CSMD1: variants seen among roughly 807,000 people sequenced by gnomAD.
CSMD1 encodes the protein CUB and Sushi multiple domains 1, also known as CUB and sushi domain-containing protein 1.
In CSMD1, 213 loss-of-function variants were observed where a neutral mutation model predicts 417.5. That is an observed-to-expected ratio of 0.51 (90% CI 0.46 to 0.57). The LOEUF is 0.57. Among genes scored for constraint, CSMD1 ranks in the 20% least tolerant of loss-of-function variants. CSMD1 has a pLI of 0.00. For missense variants in CSMD1, 6,923 were observed against 4,529.7 expected, an observed-to-expected ratio of 1.53 and a Z score of -15.17; for synonymous variants, 2,862 against 1,736.8, an observed-to-expected ratio of 1.65 and a Z score of -16.11.
intron 5 of CSMD1, among the ~76,000 whole-genome samples, chr8:3,862,686 T>C (rs183767033): frequency 1.3e-5 from 2 of 152,338 alleles, no homozygotes; most frequent in Admixed American, 6.5e-5. Context: ...CGTGCTTTTC[T>C]ATATAGGAAT....
At chr8:3,307,140 C>G (rs1445741751) in intron 25 of CSMD1, among the ~76,000 whole-genome samples, 1 of 152,140 alleles carries the variant, frequency 6.6e-6, no homozygotes, top group East Asian at 1.9e-4. Context: ...TTCTTCATAT[C>G]TTGAGTCTTG....
chr8:3,741,081 G>A (rs12548108), intron 6 of CSMD1, among the ~76,000 whole-genome samples: 1 of 151,936 alleles, frequency 6.6e-6, no homozygotes, highest in Admixed American at 6.6e-5. Context: ...CAGGTGTGGT[G>A]ATAGGTGCCT....
chr8:3,791,559 C>T (rs1054711643), intron 5 of CSMD1, among the ~76,000 whole-genome samples: 2 of 152,194 alleles, frequency 1.3e-5, no homozygotes, highest in African/African-American at 2.4e-5. Context: ...CATGGTGGCT[C>T]ACGCCTATAA....
intron 3 of CSMD1, among the ~76,000 whole-genome samples, chr8:4,411,975 GC>G (rs552907647): frequency 7.0e-6 from 1 of 143,464 alleles, no homozygotes; most frequent in South Asian, 2.4e-4. Context: ...AAAGTACACA[GC>G]AACATAGCTA....
intron 1 of CSMD1, among the ~76,000 whole-genome samples, chr8:4,639,086 G>A (rs1397934661): frequency 6.6e-6 from 1 of 152,068 alleles, no homozygotes; most frequent in Non-Finnish European, 1.5e-5. Context: ...TGAAATGCCT[G>A]CCTTGTCAGC....
intron 25 of CSMD1, among the ~76,000 whole-genome samples, chr8:3,295,855 G>A (rs904705539): frequency 8.5e-5 from 13 of 152,186 alleles, no homozygotes; most frequent in East Asian, 3.9e-4. Flanking sequence ...TCTATAAGAC[G>A]TTCCCTTTTT....
intron 5 of CSMD1, among the ~76,000 whole-genome samples, chr8:3,971,313 C>G (rs930771100): frequency 6.6e-6 from 1 of 152,136 alleles, no homozygotes; most frequent in Non-Finnish European, 1.5e-5. Context: ...TCCTGAGTTT[C>G]CAGTGGCTGC....
chr8:3,010,402 G>A (rs189831330), intron 52 of CSMD1, among the ~76,000 whole-genome samples: 21 of 152,254 alleles, frequency 1.4e-4, no homozygotes, highest in African/African-American at 5.1e-4. Flanking sequence ...ACCTGCCCTA[G>A]AGCGGGTGTC....
chr8:4,761,886 TCTAC>T (rs200987498), intron 1 of CSMD1, among the ~76,000 whole-genome samples: 14,345 of 91,268 alleles, frequency 0.16, 1,006 homozygotes, highest in Admixed American at 0.25. Context: ...TATCTATCTA[TCTAC>T]CTACCTATCT....
At chr8:3,965,492 G>C (rs1812620717) in intron 5 of CSMD1, among the ~76,000 whole-genome samples, 2 of 152,160 alleles carry the variant, frequency 1.3e-5, no homozygotes, top group South Asian at 2.1e-4. Flanking sequence ...CAAAACCAAA[G>C]TAAAGTTGAA....
At chr8:4,027,343 C>T (rs753240637) in intron 4 of CSMD1, among the ~76,000 whole-genome samples, 24 of 152,064 alleles carry the variant, frequency 1.6e-4, no homozygotes, top group Admixed American at 7.2e-4. Flanking sequence ...GTGTCCTCAC[C>T]GAAAATTTCA....
intron 3 of CSMD1, among the ~76,000 whole-genome samples, chr8:4,374,134 G>C (rs1014225550): frequency 1.2e-4 from 19 of 152,080 alleles, no homozygotes; most frequent in Admixed American, 5.2e-4. Flanking sequence ...TGACCCATCA[G>C]CTGGATAAGT....
In CSMD1 at chr8:3,188,906, G is replaced by GT. The variant is rs1796250430; in HGVS notation, c.5503dup (p.Thr1835AsnfsTer23). 1 of 1,586,852 alleles carries GT rather than the reference G, an allele frequency of 6.3e-7. No individual in the cohort carries two copies. ...ACTCACCTGAATTCCCGAGCCCTCCGTAACTATGATCTTCCATATACAGTT... is the reference window on the plus strand; with the variant it reads ...ACTCACCTGAATTCCCGAGCCCTCCGTTAACTATGATCTTCCATATACAGTT... On this transcript the variant is annotated frameshift_variant, in exon 35 of 70. Coordinates refer to ENST00000635120, the MANE Select transcript of CSMD1 (RefSeq NM_033225.6). LOFTEE classifies it high-confidence loss of function.
chr8:4,858,519 A>T (rs149885817), intron 1 of CSMD1, among the ~76,000 whole-genome samples: 8 of 151,996 alleles, frequency 5.3e-5, no homozygotes, highest in Non-Finnish European at 8.8e-5. Flanking sequence ...GAAAACCCCA[A>T]TGTCTCAGCC....
chr8:4,608,320 G>C (rs1800990688), intron 2 of CSMD1, among the ~76,000 whole-genome samples: 1 of 152,186 alleles, frequency 6.6e-6, no homozygotes, highest in Admixed American at 6.5e-5. Context: ...GATGGGTGAG[G>C]AGGCAACTAC....
At chr8:4,917,284 C>T (rs1338539008) in intron 1 of CSMD1, among the ~76,000 whole-genome samples, 1 of 152,164 alleles carries the variant, frequency 6.6e-6, no homozygotes, top group Non-Finnish European at 1.5e-5. Flanking sequence ...AAACCACCCC[C>T]ACGATCCAAT....
chr8:4,740,724 G>A (rs1008398267), intron 1 of CSMD1, among the ~76,000 whole-genome samples: 1 of 152,126 alleles, frequency 6.6e-6, no homozygotes, highest in African/African-American at 2.4e-5. Context: ...CTGCACTCTA[G>A]CATGGGCAAT....
At chr8:4,368,021 T>G (rs897228004) in intron 3 of CSMD1, among the ~76,000 whole-genome samples, 2 of 152,098 alleles carry the variant, frequency 1.3e-5, no homozygotes, top group Non-Finnish European at 2.9e-5. Context: ...TCTTGGCTGA[T>G]TGCTCTGGCT....
At chr8:4,633,864 G>C (rs1040451364) in intron 2 of CSMD1, among the ~76,000 whole-genome samples, 5 of 151,954 alleles carry the variant, frequency 3.3e-5, no homozygotes, top group South Asian at 2.1e-4. Flanking sequence ...CTTAGCCCAA[G>C]ACATGTTAAA....
Sources: allele counts gnomAD v4.1 joint callset (sites outside exome capture counted in the v4.1 genomes callset), GRCh38; gene constraint gnomAD v4.1.1; transcripts MANE v1.5; gene names NCBI Gene and HGNC (gene_info 2026-07-23, HGNC 2026-07-21).